The following MED12L variants were observed in gnomAD, a reference collection of about 807,000 sequenced individuals.
The protein encoded by MED12L is mediator complex subunit 12L, also known as mediator of RNA polymerase II transcription subunit 12-like protein.
In MED12L, 60 loss-of-function variants were observed where a neutral mutation model predicts 281.3. That is an observed-to-expected ratio of 0.21 (90% confidence interval 0.17 to 0.26). The LOEUF (loss-of-function observed/expected upper bound fraction) is 0.26. MED12L is among the 10% of genes least tolerant of loss of function. The pLI, the probability that MED12L is intolerant of heterozygous loss-of-function variation, is 1.00. For missense variants in MED12L, 2,146 were observed against 2,680.9 expected (o/e 0.80, Z 4.41); for synonymous variants, 974 against 987.2 (o/e 0.99, Z 0.25).
At chr3:151,203,677 TTA>T (rs1172112752) in intron 16 of MED12L, among the ~76,000 whole-genome samples, 1 of 151,990 alleles carries the variant, frequency 6.6e-6, no homozygotes, top group African/African-American at 2.4e-5. Context: ...TACATTTTAT[TTA>T]TCTTATTTTA....
At chr3:151,386,057 A>G (rs986398099) in intron 36 of MED12L, among the ~76,000 whole-genome samples, 2 of 152,188 alleles carry the variant, frequency 1.3e-5, no homozygotes, top group African/African-American at 4.8e-5. Context: ...AATTGACACG[A>G]GTCATTTTGA....
intron 5 of MED12L, among the ~76,000 whole-genome samples, chr3:151,144,060 G>T (rs1022457584): frequency 1.3e-5 from 2 of 152,182 alleles, no homozygotes; most frequent in African/African-American, 4.8e-5. Flanking sequence ...CCTGGAGAAG[G>T]AGCTGAGCCT....
At chr3:151,217,072 C>T (rs918746605) in intron 16 of MED12L, among the ~76,000 whole-genome samples, 9 of 152,046 alleles carry the variant, frequency 5.9e-5, no homozygotes, top group African/African-American at 2.2e-4. Flanking sequence ...AAAACTGTAG[C>T]TGTTATTTTG....
At chr3:151,196,959 G>GT (rs1211571538) in intron 16 of MED12L, among the ~76,000 whole-genome samples, 2 of 152,120 alleles carry the variant, frequency 1.3e-5, no homozygotes, top group African/African-American at 4.8e-5. Flanking sequence ...TTTACCAGCG[G>GT]TTTTTATATG....
intron 16 of MED12L, among the ~76,000 whole-genome samples, chr3:151,281,232 C>CAAAAAAAAAAAAAA (rs35035320): frequency 2.0e-5 from 1 of 49,940 alleles, no homozygotes; most frequent in Non-Finnish European, 3.6e-5. Flanking sequence ...ACCAAAAATA[C>CAAAAAAAAAAAAAA]AAAAAAAAAA....
chr3:151,138,254 T>C (rs1205608077), intron 5 of MED12L, among the ~76,000 whole-genome samples: 12 of 151,968 alleles, frequency 7.9e-5, no homozygotes, highest in Non-Finnish European at 1.5e-4. Flanking sequence ...TAGTCCTTCA[T>C]TGTGTGGATG....
chr3:151,141,167 T>G (rs1322001705), intron 5 of MED12L, among the ~76,000 whole-genome samples: 4 of 117,798 alleles, frequency 3.4e-5, no homozygotes, highest in Non-Finnish European at 5.0e-5. Flanking sequence ...GTGCCTGGCG[T>G]TTTTTTTTTT....
At chr3:151,326,584 A>T (rs1169269871) in intron 16 of MED12L, 1 of 152,170 alleles carries the variant, frequency 6.6e-6, no homozygotes, top group African/African-American at 2.4e-5. Context: ...ACCAGGGGGA[A>T]ATATACATGT....
intron 11 of MED12L, among the ~76,000 whole-genome samples, chr3:151,169,130 T>C (rs867738081): frequency 1.4e-5 from 2 of 146,904 alleles, no homozygotes; most frequent in Non-Finnish European, 3.0e-5. Flanking sequence ...TTGTTTTTTT[T>C]TTTTTGAGAC....
Position 151,436,503 on chromosome 3 carries a change from C to A in MED12L, c.*3699C>A. 2.1e-6 allele frequency: 1 copy of A among 472,024 alleles called. No homozygotes were observed. Among genetic ancestry groups the A allele is most frequent in the Non-Finnish European group, 3.7e-6 (1 of 272,444 alleles). The allele number at this position is 472,024 out of a possible 1,614,324, so 29.2% of individuals were successfully genotyped here. On this transcript the variant is annotated 3_prime_UTR_variant, in exon 45 of 45. Transcript: ENST00000687756. ...TAAGTTAAAAGTTTGTTTTGAGATC[C>A]ATTAAATAAATCAGTATCATCAGTT...
At chr3:151,418,571 T>A (rs1325858801) in intron 43 of MED12L, among the ~76,000 whole-genome samples, 1 of 152,242 alleles carries the variant, frequency 6.6e-6, no homozygotes, top group Admixed American at 6.5e-5. Flanking sequence ...ATTCAGATTA[T>A]ACATTTTTGG....
chr3:151,406,007 A>G (rs1190431633), intron 39 of MED12L, among the ~76,000 whole-genome samples: 1 of 152,234 alleles, frequency 6.6e-6, no homozygotes, highest in African/African-American at 2.4e-5. Context: ...AGCACTTACT[A>G]TATGTGCTAG....
chr3:151,352,599 T>C (rs1753372701), intron 17 of MED12L, among the ~76,000 whole-genome samples: 1 of 151,614 alleles, frequency 6.6e-6, no homozygotes, highest in Non-Finnish European at 1.5e-5. Context: ...TTAGCATGTA[T>C]TTGATTTCTG....
intron 43 of MED12L, among the ~76,000 whole-genome samples, chr3:151,424,570 G>A (rs895473577): frequency 6.6e-6 from 1 of 152,098 alleles, no homozygotes; most frequent in African/African-American, 2.4e-5. Context: ...GCAGTGAGCC[G>A]AGATTGCGCC....
At chr3:151,279,908 T>A (rs1488409369) in intron 16 of MED12L, among the ~76,000 whole-genome samples, 1 of 152,228 alleles carries the variant, frequency 6.6e-6, no homozygotes, top group East Asian at 1.9e-4. Flanking sequence ...TCCGGGTCCC[T>A]TTTGTGCTTC....
intron 16 of MED12L, among the ~76,000 whole-genome samples, chr3:151,309,760 G>T (rs1018134252): frequency 1.3e-5 from 2 of 152,152 alleles, no homozygotes; most frequent in African/African-American, 4.8e-5. Flanking sequence ...TATCTCCAGG[G>T]TCTAGCAGAG....
chr3:151,242,782 C>T (rs1734480179), intron 16 of MED12L, among the ~76,000 whole-genome samples: 1 of 151,788 alleles, frequency 6.6e-6, no homozygotes, highest in South Asian at 2.1e-4. Context: ...CTTTGACGAG[C>T]TGAGAGAAGA....
rs888494619 is a variant in MED12L, at chr3:151,435,724, A to AAATT, written c.*2925_*2928dup. On this transcript the variant is annotated 3_prime_UTR_variant, in exon 45 of 45. Coordinates refer to ENST00000687756, the MANE Select transcript of MED12L (RefSeq NM_001393769.1). The stretch of plus-strand genomic sequence containing the variant: ...TAAGATCAATCATTTAATATTCCCC[A>AAATT]AATTAATTCAGGTTGAATTAAGCAT... The AAATT allele has an allele frequency of 1.3e-5, 2 of 152,204 alleles. No homozygotes were observed. Among genetic ancestry groups the AAATT allele is most frequent in the Non-Finnish European group, 2.9e-5 (2 of 68,036 alleles). 9.4% of individuals were successfully genotyped at this position (152,204 alleles called of 1,614,324 possible). A position where few individuals can be genotyped will look rare whatever the true frequency, so the allele number is the denominator to read the frequency against.
chr3:151,157,213 G>A (rs779418503), intron 6 of MED12L, among the ~76,000 whole-genome samples: 22 of 151,852 alleles, frequency 1.4e-4, no homozygotes, highest in Non-Finnish European at 1.6e-4. Context: ...GAAGAATTAC[G>A]TATTAGGAGT....
Sources: allele counts gnomAD v4.1 joint callset (sites outside exome capture counted in the v4.1 genomes callset), GRCh38; gene constraint gnomAD v4.1.1; transcripts MANE v1.5; gene names NCBI Gene and HGNC (gene_info 2026-07-23, HGNC 2026-07-21).